The following SUGCT variants were observed in gnomAD, a reference collection of about 807,000 sequenced individuals.
The protein encoded by SUGCT is succinyl-CoA:glutarate-CoA transferase.
SUGCT carries 41 observed loss-of-function variants against 55.0 expected under a neutral mutation model. The observed-to-expected ratio is 0.74, with a 90% confidence interval of 0.58 to 0.97. The LOEUF is 0.97. Among genes scored for constraint, SUGCT ranks in the 50% least tolerant of loss-of-function variants. The pLI is 0.00. For synonymous variants in SUGCT, 187 were observed against 200.4 expected (o/e 0.93, Z 0.56); for missense variants, 568 against 547.8 (o/e 1.04, Z -0.37).
intron 12 of SUGCT, among the ~76,000 whole-genome samples, chr7:40,650,468 A>G (rs1025559405): frequency 6.6e-5 from 10 of 152,188 alleles, no homozygotes; most frequent in African/African-American, 2.4e-4. Context: ...AGAGGAATCC[A>G]ACACTAAAGG....
intron 6 of SUGCT, among the ~76,000 whole-genome samples, chr7:40,208,500 A>G (rs1787129974): frequency 1.3e-5 from 2 of 152,186 alleles, no homozygotes; most frequent in Non-Finnish European, 2.9e-5. Context: ...ATACAAATAA[A>G]TATTTGACAA....
intron 7 of SUGCT, among the ~76,000 whole-genome samples, chr7:40,243,021 A>G (rs1562605338): frequency 7.5e-6 from 1 of 134,114 alleles, no homozygotes; most frequent in East Asian, 2.2e-4. Flanking sequence ...AGCAGCCTCA[A>G]CATCCCGGGG....
At chr7:40,533,687 A>G (rs951595322) in intron 12 of SUGCT, among the ~76,000 whole-genome samples, 1 of 152,144 alleles carries the variant, frequency 6.6e-6, no homozygotes, top group African/African-American at 2.4e-5. Flanking sequence ...GAAAAATAGT[A>G]TTACCTACTT....
intron 9 of SUGCT, among the ~76,000 whole-genome samples, chr7:40,344,225 G>A (rs1402075094): frequency 6.6e-6 from 1 of 152,084 alleles, no homozygotes; most frequent in African/African-American, 2.4e-5. Flanking sequence ...ATTTTTGTTA[G>A]CATTATTTAT....
intron 9 of SUGCT, among the ~76,000 whole-genome samples, chr7:40,357,489 G>A (rs191092621): frequency 2.6e-5 from 4 of 152,190 alleles, no homozygotes; most frequent in Admixed American, 6.5e-5. Flanking sequence ...TGATTGTGTC[G>A]CTGTGATTTG....
At chr7:40,639,904 TTTA>T (rs1182351158) in intron 12 of SUGCT, among the ~76,000 whole-genome samples, 1 of 152,224 alleles carries the variant, frequency 6.6e-6, no homozygotes, top group African/African-American at 2.4e-5. Flanking sequence ...ATAAATGCTT[TTTA>T]TTATTTATAG....
At chr7:40,220,512 G>A (rs1787961712) in intron 6 of SUGCT, among the ~76,000 whole-genome samples, 1 of 152,160 alleles carries the variant, frequency 6.6e-6, no homozygotes, top group Non-Finnish European at 1.5e-5. Context: ...AGTAACAATG[G>A]AGGAAGCACC....
At chr7:40,533,658 A>G (rs1794207475) in intron 12 of SUGCT, among the ~76,000 whole-genome samples, 1 of 152,170 alleles carries the variant, frequency 6.6e-6, no homozygotes, top group African/African-American at 2.4e-5. Flanking sequence ...AAATTTAGGC[A>G]AAACATAAAT....
chr7:40,611,609 T>C (rs1798770955), intron 12 of SUGCT, among the ~76,000 whole-genome samples: 1 of 152,190 alleles, frequency 6.6e-6, no homozygotes, highest in South Asian at 2.1e-4. Context: ...GGTAGTAAAA[T>C]TGCATAGTAG....
chr7:40,514,229 A>G (rs1162242883), intron 12 of SUGCT, among the ~76,000 whole-genome samples: 1 of 151,978 alleles, frequency 6.6e-6, no homozygotes, highest in Non-Finnish European at 1.5e-5. Flanking sequence ...GCTGGGCTTC[A>G]CAGTCCTGAT....
At chr7:40,941,476 T>A in the SUGCT span, among the ~76,000 whole-genome samples, 2 of 152,090 alleles carry the variant, frequency 1.3e-5, no homozygotes, top group African/African-American at 2.4e-5. Flanking sequence ...GAGACTTGTT[T>A]TGTGGCCTCT....
chr7:40,291,886 C>T (rs1449647508), intron 8 of SUGCT, among the ~76,000 whole-genome samples: 1 of 152,128 alleles, frequency 6.6e-6, no homozygotes, highest in African/African-American at 2.4e-5. Context: ...TGCACTCAGC[C>T]TCTAGAAGCT....
chr7:40,434,774 G>C (rs1435693399), intron 9 of SUGCT, among the ~76,000 whole-genome samples: 1 of 152,124 alleles, frequency 6.6e-6, no homozygotes, highest in Non-Finnish European at 1.5e-5. Flanking sequence ...GTCTCCTCAA[G>C]GTCCTGCCAG....
At chr7:40,626,718 C>T (rs181303309) in intron 12 of SUGCT, among the ~76,000 whole-genome samples, 4 of 152,234 alleles carry the variant, frequency 2.6e-5, no homozygotes, top group Admixed American at 6.5e-5. Context: ...CAGACAAACA[C>T]GGGTCCAAAT....
chr7:40,642,214 A>AGG (rs1389328468), intron 12 of SUGCT, among the ~76,000 whole-genome samples: 2 of 152,208 alleles, frequency 1.3e-5, no homozygotes, highest in Non-Finnish European at 2.9e-5. Flanking sequence ...ATAATTATGA[A>AGG]GGGGATAATA....
chr7:40,755,743 A>T (rs1039520958), intron 13 of SUGCT, among the ~76,000 whole-genome samples: 1 of 152,162 alleles, frequency 6.6e-6, no homozygotes, highest in Non-Finnish European at 1.5e-5. Flanking sequence ...CATTGCAGTC[A>T]TTTGATTCTA....
At chr7:40,492,709 C>T (rs563669117) in intron 11 of SUGCT, among the ~76,000 whole-genome samples, 9 of 152,324 alleles carry the variant, frequency 5.9e-5, no homozygotes, top group African/African-American at 2.2e-4. Context: ...TCTTTCAACA[C>T]TTGGCTCAAA....
intron 12 of SUGCT, among the ~76,000 whole-genome samples, chr7:40,497,276 C>A (rs1273184605): frequency 6.6e-6 from 1 of 152,048 alleles, no homozygotes; most frequent in Non-Finnish European, 1.5e-5. Flanking sequence ...ATAGAATACA[C>A]CTTTTGAGGG....
chr7:41,027,563 T>TA, the SUGCT span, among the ~76,000 whole-genome samples: 1 of 152,110 alleles, frequency 6.6e-6, no homozygotes, highest in Non-Finnish European at 1.5e-5. Context: ...AAGGGACAAA[T>TA]ATGCAGGAAG....
Sources: gnomAD v4.1 joint callset for allele counts (sites outside exome capture counted in the v4.1 genomes callset) on GRCh38, gnomAD v4.1.1 for gene constraint, MANE v1.5 for transcripts, NCBI Gene and HGNC (gene_info 2026-07-23, HGNC 2026-07-21) for gene names.